The following EXO1 variants were observed in gnomAD, a reference collection of about 807,000 sequenced individuals.
EXO1 encodes exonuclease 1.
In EXO1, 69 loss-of-function variants were observed where a neutral mutation model predicts 84.5. The ratio of observed to expected loss-of-function variants is 0.82; its 90% CI spans 0.67 to 1.00. The LOEUF (loss-of-function observed/expected upper bound fraction) is 1.00, where lower values mean the gene tolerates loss of function less well. Ranked by LOEUF, EXO1 falls within the 50% of genes least tolerant of loss-of-function variation. EXO1 has a pLI of 0.00. For synonymous variants in EXO1, 373 were observed against 366.1 expected, an observed-to-expected ratio of 1.02 and a Z score of -0.21; for missense variants, 1,045 against 1,000.7, an observed-to-expected ratio of 1.04 and a Z score of -0.60.
At chr1:241,867,189 C>T in intron 11 of EXO1, 134 bp downstream of exon 11, 1 of 735,814 alleles carries the variant, frequency 1.4e-6, no homozygotes, top group East Asian at 2.7e-5. Flanking sequence ...CCATTTTCAC[C>T]CTGCTGATAA....
Position 241,858,718 on chromosome 1 carries a change from G to T in EXO1, c.756G>T (p.Lys252Asn), listed in dbSNP as rs1382014743. The T allele has an allele frequency of 6.3e-7, 1 of 1,595,538 alleles. No homozygotes were observed. The highest frequency in any genetic ancestry group is 1.3e-5 in the African/African-American group (1 of 74,668). The stretch of plus-strand genomic sequence containing the variant: ...TAGCCAATAATCCAGATATAGTAAA[G>T]GTAAGAGTGATTTGCTAAGTGTCAT... ...LRLANNPDIV[K>N]VIKKIGHYLK... Residue 252 changes from lysine to asparagine, a missense_variant and splice_region_variant, in exon 8 of 16, where the codon AAG becomes AAT. Physicochemically the swap from Lys to Asn is moderately conservative, Grantham distance 94. Coordinates refer to ENST00000366548, the MANE Select transcript of EXO1 (RefSeq NM_130398.4).
chr1:241,883,733 A>G (rs965361438), intron 14 of EXO1, among the ~76,000 whole-genome samples: 6 of 31,476 alleles, frequency 1.9e-4, no homozygotes, highest in Admixed American at 1.6e-3. Context: ...GTTATTAACA[A>G]TATGTATAGT....
At chr1:241,861,147 T>C (rs1314386315) in intron 9 of EXO1, among the ~76,000 whole-genome samples, 1 of 152,244 alleles carries the variant, frequency 6.6e-6, no homozygotes, top group East Asian at 1.9e-4. Context: ...TGGCTAGGAC[T>C]TTCCCCTCTG....
chr1:241,857,320 G>A, intron 6 of EXO1, 25 bp from the exon 7 acceptor site: 1 of 1,611,770 alleles, frequency 6.2e-7, no homozygotes, highest in East Asian at 2.2e-5. Context: ...CCGTGCTAGA[G>A]ATTCACTGTG....
chr1:241,853,817 A>G (rs2148393165), intron 6 of EXO1, among the ~76,000 whole-genome samples: 1 of 152,210 alleles, frequency 6.6e-6, no homozygotes, highest in African/African-American at 2.4e-5. Flanking sequence ...ATTTGAGACC[A>G]TCCCGGGTAA....
At chr1:241,872,691 T>G (rs747159395) in intron 12 of EXO1, among the ~76,000 whole-genome samples, 8 of 152,180 alleles carry the variant, frequency 5.3e-5, no homozygotes, top group Non-Finnish European at 1.0e-4. Flanking sequence ...AACTCATCGT[T>G]TTTTATGACT....
In EXO1 at chr1:241,879,286, G is replaced by A. The variant is rs766049830; in HGVS notation, c.2052G>A (p.Leu684=). 7.5e-6 allele frequency: 12 copies of A among 1,605,062 alleles called. No homozygotes were observed. Among genetic ancestry groups the A allele is most frequent in the South Asian group, 6.8e-5 (6 of 88,718 alleles). Reference sequence around the variant, plus strand: ...CCCAGGAAAGTGGAGAATTCTCACTGCAGAGTTCAAATGCATCAAAGCTTT... The same window carrying A: ...CCCAGGAAAGTGGAGAATTCTCACTACAGAGTTCAAATGCATCAAAGCTTT... ...SQSQESGEFS[L]QSSNASKLSQ... The change falls in exon 13 of 16, where the codon CTG becomes CTA. Residue 684 remains leucine, a synonymous_variant. Transcript: ENST00000366548.
At chr1:241,852,651 G>A (rs1162947871) in intron 5 of EXO1, among the ~76,000 whole-genome samples, 5 of 152,042 alleles carry the variant, frequency 3.3e-5, no homozygotes, top group South Asian at 4.2e-4. Context: ...GTGAGACCCC[G>A]TCACTAACAA....
chr1:241,868,460 C>G (rs1215775144), intron 11 of EXO1, among the ~76,000 whole-genome samples: 1 of 151,168 alleles, frequency 6.6e-6, no homozygotes, highest in Non-Finnish European at 1.5e-5. Flanking sequence ...AAGGGTCTTA[C>G]TAGTTCAGAA....
chr1:241,866,461 G>A (rs969694821), intron 10 of EXO1, among the ~76,000 whole-genome samples: 1 of 151,434 alleles, frequency 6.6e-6, no homozygotes, highest in African/African-American at 2.4e-5. Context: ...TTCTTCAGTT[G>A]TGGTCTTATT....
chr1:241,859,810 A>G (rs1429403179), intron 8 of EXO1, among the ~76,000 whole-genome samples: 1 of 152,156 alleles, frequency 6.6e-6, no homozygotes, highest in Non-Finnish European at 1.5e-5. Context: ...ATAAACATCA[A>G]AGAAGCTCAT....
intron 15 of EXO1, among the ~76,000 whole-genome samples, chr1:241,887,275 T>TA (rs1238961178): frequency 6.6e-6 from 1 of 152,196 alleles, no homozygotes; most frequent in Non-Finnish European, 1.5e-5. Flanking sequence ...TAGCTGGGAC[T>TA]ACAGGCTTGT....
intron 12 of EXO1, among the ~76,000 whole-genome samples, chr1:241,873,122 G>A (rs897879246): frequency 7.3e-5 from 11 of 151,572 alleles, no homozygotes; most frequent in East Asian, 3.9e-4. Context: ...TGTGTACAAC[G>A]TGCAGGTTTG....
In EXO1 at chr1:241,889,594, C is replaced by T. The variant is rs369825858; in HGVS notation, c.2535C>T (p.Phe845=). The part of the protein sequence containing the change: ...PECGRVQRAI[F]Q ...GTGGCCGTGTTCAAAGAGCAATATT[C>T]CAGTAAATGCAGACTGCTGCAAAGC... Residue 845 remains phenylalanine, a synonymous_variant, in exon 16 of 16, where the codon TTC becomes TTT. Transcript: ENST00000366548. 1 of 1,613,922 alleles carries T rather than the reference C, an allele frequency of 6.2e-7. No individual in the cohort carries two copies. The highest frequency in any genetic ancestry group is 1.1e-5 in the South Asian group (1 of 91,076).
intron 8 of EXO1, among the ~76,000 whole-genome samples, chr1:241,860,298 C>CCTTCAAAT (rs1661308028): frequency 6.7e-6 from 1 of 148,430 alleles, no homozygotes; most frequent in African/African-American, 2.5e-5. Flanking sequence ...ATTTTTTTAT[C>CCTTCAAAT]CTTCAAATTA....
chr1:241,881,603 G>A (rs1050809964), intron 13 of EXO1, among the ~76,000 whole-genome samples: 6 of 152,272 alleles, frequency 3.9e-5, no homozygotes, highest in African/African-American at 9.6e-5. Flanking sequence ...CCACACGTGC[G>A]TAACGCAGCG....
At chr1:241,848,162 C>A (rs1278257516), upstream of EXO1, 2 of 152,346 alleles carry the variant, frequency 1.3e-5, no homozygotes, top group African/African-American at 4.8e-5. The surrounding 1 kb of genome is among the most constrained non-coding windows in gnomAD (Gnocchi z 4.2). Flanking sequence ...ACGTCACATC[C>A]TCTGGGCGGG....
chr1:241,876,372 A>G (rs1369474322), intron 12 of EXO1, among the ~76,000 whole-genome samples: 3 of 152,140 alleles, frequency 2.0e-5, no homozygotes, highest in African/African-American at 7.2e-5. Context: ...ACCTGAGGTC[A>G]GGAGTTTGAG....
At position 241,872,293 on chromosome 1, in the gene EXO1, C is replaced by T; in HGVS notation, c.1514+15C>T. ...ACCAGAAGCAGGTATAGTTATGTCT[C>T]CAGAATGTTGATTGTCTGTTGTATT... On this transcript the variant is annotated intron_variant, in intron 12 of 15. Transcript: ENST00000366548. The T allele has an allele frequency of 6.2e-7, 1 of 1,612,638 alleles. No homozygotes were observed. The highest frequency in any genetic ancestry group is 8.5e-7 in the Non-Finnish European group (1 of 1,178,798).
Sources: gnomAD v4.1 joint callset for allele counts (sites outside exome capture counted in the v4.1 genomes callset) on GRCh38, gnomAD v4.1.1 for gene constraint, Gnocchi (gnomAD v3.1) non-coding constraint, MANE v1.5 for transcripts, NCBI Gene and HGNC (gene_info 2026-07-23, HGNC 2026-07-21) for gene names.